The following KSR1 variants were observed in gnomAD, a reference collection of about 807,000 sequenced individuals.
The protein encoded by KSR1 is kinase suppressor of ras.
KSR1 carries 35 observed loss-of-function variants against 92.9 expected under a neutral mutation model. That is an observed-to-expected ratio of 0.38 (90% CI 0.29 to 0.50). The LOEUF is 0.50. Ranked by LOEUF, KSR1 falls within the 20% of genes least tolerant of loss-of-function variation. The probability of loss-of-function intolerance (pLI) is 0.94; values close to 1 mark genes in which losing one functional copy is unlikely to be tolerated. For synonymous variants in KSR1, 467 were observed against 472.6 expected (o/e 0.99, Z 0.15); for missense variants, 972 against 1,158.5 (o/e 0.84, Z 2.34).
At chr17:27,470,929 G>C (rs1047406732) in intron 1 of KSR1, among the ~76,000 whole-genome samples, 1 of 151,784 alleles carries the variant, frequency 6.6e-6, no homozygotes, top group East Asian at 1.9e-4. Context: ...GGAGTGCAGT[G>C]GCACAATCTT....
intron 4 of KSR1, among the ~76,000 whole-genome samples, chr17:27,583,690 C>T (rs1321934179): frequency 6.6e-6 from 1 of 152,278 alleles, no homozygotes; most frequent in Non-Finnish European, 1.5e-5. Flanking sequence ...ATACCATCTA[C>T]TCTGTCCCAT....
At chr17:27,614,800 T>C (rs1002232951) in intron 18 of KSR1, among the ~76,000 whole-genome samples, 2 of 152,338 alleles carry the variant, frequency 1.3e-5, no homozygotes, top group Admixed American at 6.5e-5. Flanking sequence ...AGAGAGCAGA[T>C]GCTCCGGCAG....
chr17:27,603,771 C>T lies in KSR1; in HGVS notation c.1511-63C>T, dbSNP rs183360128. 53 of 1,549,920 alleles carry T rather than the reference C, an allele frequency of 3.4e-5. No homozygotes were observed. The African/African-American group carries it at 4.7e-4, about 14-fold the overall frequency. On this transcript the variant is annotated intron_variant, in intron 11 of 20. Coordinates refer to ENST00000644974, the MANE Select transcript of KSR1 (RefSeq NM_001394583.1). ...CTCTGGGGGTGCTGGGTTTCAAGCA[C>T]GGTGTCTCTTTGGGGAGAGGAAAGC... is the stretch of plus-strand genomic sequence containing the variant.
At position 27,617,378 on chromosome 17, in the gene KSR1, C is replaced by G. The variant is rs1287620935; in HGVS notation, c.2577C>G (p.Pro859=). 6.2e-7 allele frequency: 1 copy of G among 1,612,838 alleles called. No individual in the cohort carries two copies. The highest frequency in any genetic ancestry group is 2.2e-5 in the East Asian group (1 of 44,856). Residue 859 remains proline (P), a synonymous_variant, in exon 19 of 21, where the codon CCC becomes CCG. Transcript: ENST00000644974. ...TGATGGACATGCTGGAGAAACTTCCCAAGCTGAACCGGCGGCTCTCCCACC... is the reference window on the plus strand; with the variant it reads ...TGATGGACATGCTGGAGAAACTTCCGAAGCTGAACCGGCGGCTCTCCCACC... ...SLLMDMLEKL[P]KLNRRLSHPG... is the part of the protein sequence containing the mutation.
At chr17:27,568,897 T>C (rs1340534402) in intron 2 of KSR1, among the ~76,000 whole-genome samples, 4 of 152,220 alleles carry the variant, frequency 2.6e-5, no homozygotes, top group African/African-American at 9.6e-5. Context: ...CCCTCAGCTT[T>C]AGCCCCTGCA....
chr17:27,522,348 T>C (rs1274443077), intron 1 of KSR1, among the ~76,000 whole-genome samples: 1 of 152,222 alleles, frequency 6.6e-6, no homozygotes, highest in Admixed American at 6.5e-5. Context: ...CCACACAGCT[T>C]TGGCCCCCGC....
intron 2 of KSR1, among the ~76,000 whole-genome samples, chr17:27,555,928 G>T (rs2071578058): frequency 6.6e-6 from 1 of 152,188 alleles, no homozygotes; most frequent in Non-Finnish European, 1.5e-5. Flanking sequence ...TTTCCCTGAA[G>T]CCTGCTCATC....
chr17:27,467,461 A>G (rs1006496746), intron 1 of KSR1, among the ~76,000 whole-genome samples: 2 of 152,258 alleles, frequency 1.3e-5, no homozygotes, highest in South Asian at 4.1e-4. Flanking sequence ...TCCCTGGTGT[A>G]TCACAGAATC....
intron 1 of KSR1, among the ~76,000 whole-genome samples, chr17:27,530,186 C>T (rs182742573): frequency 2.2e-4 from 34 of 152,142 alleles, no homozygotes; most frequent in African/African-American, 6.3e-4. Context: ...AGGGGCTGGG[C>T]GCAGTCCCAG....
intron 2 of KSR1, among the ~76,000 whole-genome samples, chr17:27,574,506 A>C (rs936404222): frequency 6.6e-6 from 1 of 152,222 alleles, no homozygotes; most frequent in Non-Finnish European, 1.5e-5. Context: ...TGAAGATTGA[A>C]GAATATACTG....
intron 1 of KSR1, among the ~76,000 whole-genome samples, chr17:27,498,669 C>T (rs1336124793): frequency 3.3e-5 from 5 of 152,146 alleles, no homozygotes; most frequent in South Asian, 2.1e-4. Flanking sequence ...GGTTGTGAGT[C>T]CCAGCCCTGG....
chr17:27,573,116 A>C (rs2072374946), intron 2 of KSR1, among the ~76,000 whole-genome samples: 1 of 152,252 alleles, frequency 6.6e-6, no homozygotes, highest in Admixed American at 6.5e-5. Context: ...GGAAGGCATC[A>C]GATTCTTCCC....
rs141846542 is a variant in KSR1, at chr17:27,523,312, C to T, written c.232-27256C>T. ...TCCATCTGACTTACATGAATCAGCC[C>T]GACTACATTTAAGAAAAACGTTGGT... On this transcript the variant is annotated intron_variant, in intron 1 of 20. Transcript: ENST00000644974. Among the ~76,000 whole-genome samples, 1,112 of 151,170 alleles carry T rather than the reference C, an allele frequency of 7.4e-3. 11 individuals are homozygous for T. The highest frequency in any genetic ancestry group is 0.026 in the African/African-American group (1,059 of 41,108).
At chr17:27,594,888 A>G (rs180966635) in intron 9 of KSR1, among the ~76,000 whole-genome samples, 2 of 152,164 alleles carry the variant, frequency 1.3e-5, no homozygotes, top group Admixed American at 1.3e-4. Context: ...CAACGCTATG[A>G]CCTGGCAGCT....
At chr17:27,606,046 A>G (rs548121129) in intron 14 of KSR1, among the ~76,000 whole-genome samples, 7 of 152,326 alleles carry the variant, frequency 4.6e-5, no homozygotes, top group South Asian at 2.1e-4. Flanking sequence ...TTGGGAGGCC[A>G]AGGTGGAAGG....
chr17:27,584,415 C>G (rs1283301643), intron 4 of KSR1, among the ~76,000 whole-genome samples: 1 of 152,154 alleles, frequency 6.6e-6, no homozygotes, highest in African/African-American at 2.4e-5. Context: ...CCAGGTGTCA[C>G]CGACCCTGCT....
chr17:27,490,674 T>C (rs1252810431), intron 1 of KSR1, among the ~76,000 whole-genome samples: 1 of 152,180 alleles, frequency 6.6e-6, no homozygotes, highest in Non-Finnish European at 1.5e-5. Context: ...TACAAATAGG[T>C]ACTGCCTTTT....
At chr17:27,545,954 G>A (rs1289334739) in intron 1 of KSR1, among the ~76,000 whole-genome samples, 1 of 152,234 alleles carries the variant, frequency 6.6e-6, no homozygotes, top group Non-Finnish European at 1.5e-5. Flanking sequence ...CCAGAGGCAG[G>A]ACCCTTGAAG....
chr17:27,603,077 C>T (rs528434992), intron 11 of KSR1, among the ~76,000 whole-genome samples: 1 of 152,356 alleles, frequency 6.6e-6, no homozygotes. Flanking sequence ...CCGTCCATGG[C>T]GGCCCTGGGG....
Sources: gnomAD v4.1 joint callset for allele counts (sites outside exome capture counted in the v4.1 genomes callset) on GRCh38, gnomAD v4.1.1 for gene constraint, MANE v1.5 for transcripts, NCBI Gene and HGNC (gene_info 2026-07-23, HGNC 2026-07-21) for gene names.